GRID2IP: variants seen among roughly 807,000 people sequenced by gnomAD.
GRID2IP encodes the protein Grid2 interacting protein.
In GRID2IP, 78 loss-of-function variants were observed where a neutral mutation model predicts 114.3. The observed-to-expected ratio is 0.68, with a 90% confidence interval of 0.57 to 0.82. GRID2IP has a LOEUF of 0.82. Ranked by LOEUF, GRID2IP falls within the 40% of genes least tolerant of loss-of-function variation. GRID2IP has a pLI of 0.00. For synonymous variants in GRID2IP, 809 were observed against 724.0 expected (o/e 1.12, Z -1.89); for missense variants, 1,727 against 1,678.5 (o/e 1.03, Z -0.51).
In GRID2IP at chr7:6,521,720, G is replaced by A. The variant is rs1006583438; in HGVS notation, c.989+168C>T. On this transcript the variant is annotated intron_variant, in intron 5 of 21. Coordinates refer to ENST00000457091, the MANE Select transcript of GRID2IP (RefSeq NM_001145118.2). The surrounding 1 kb of genome is among the most constrained non-coding windows in gnomAD (Gnocchi z 4.1). ...GTCCTGGCTAGAGTTGGCGACTGGCGAGGAGGAGGGTTAGATTCAAGAGTT... is the reference window on the plus strand; with the variant it reads ...GTCCTGGCTAGAGTTGGCGACTGGCAAGGAGGAGGGTTAGATTCAAGAGTT... 1.3e-5 allele frequency among the ~76,000 whole-genome samples: 2 copies of A among 152,194 alleles called. No homozygotes were observed. Among genetic ancestry groups the A allele is most frequent in the African/African-American group, 2.4e-5 (1 of 41,440 alleles).
At chr7:6,511,718 G>T (rs1449459856) in intron 8 of GRID2IP, among the ~76,000 whole-genome samples, 1 of 152,044 alleles carries the variant, frequency 6.6e-6, no homozygotes, top group African/African-American at 2.4e-5. Context: ...AGGCATGTGT[G>T]GTCCAGCATG....
chr7:6,548,334 AGC>A (rs1259633316), intron 1 of GRID2IP, among the ~76,000 whole-genome samples: 1 of 152,032 alleles, frequency 6.6e-6, no homozygotes, highest in Non-Finnish European at 1.5e-5. Flanking sequence ...TGGGCAACAG[AGC>A]GAGACTCTGG....
At chr7:6,539,642 T>A in intron 2 of GRID2IP, 76 bp downstream of exon 2, 1 of 1,369,968 alleles carries the variant, frequency 7.3e-7, no homozygotes, top group Non-Finnish European at 9.8e-7. Flanking sequence ...AAGGGGTGCC[T>A]GGGGTGGTTG....
rs1164055360 is a variant in GRID2IP at position 6,551,086 on chromosome 7, C to T, written c.351G>A (p.Leu117=). The T allele has an allele frequency of 7.6e-7, 1 of 1,316,322 alleles. No individual in the cohort carries two copies. Among genetic ancestry groups the T allele is most frequent in the South Asian group, 2.1e-5 (1 of 47,578 alleles). The allele number at this position is 1,316,322 out of a possible 1,614,324, so 81.5% of individuals were successfully genotyped here. A position where few individuals can be genotyped will look rare whatever the true frequency, so the allele number is the denominator to read the frequency against. ...CGRGLALGRE[L]LRLAGRKRPD... is the part of the protein sequence containing the mutation. ...GGCGCTTGCGGCCGGCCAGGCGAAGCAGCTCACGGCCCAGAGCTAGGCCGC... is the reference window on the plus strand; with the variant it reads ...GGCGCTTGCGGCCGGCCAGGCGAAGTAGCTCACGGCCCAGAGCTAGGCCGC... The change falls in exon 1 of 22, where the codon CTG becomes CTA. Residue 117 remains leucine (L), a synonymous_variant. Coordinates refer to ENST00000457091, the MANE Select transcript of GRID2IP (RefSeq NM_001145118.2).
chr7:6,522,807 ATGTGTG>A (rs72277817), intron 4 of GRID2IP, among the ~76,000 whole-genome samples: 9 of 147,682 alleles, frequency 6.1e-5, no homozygotes, highest in East Asian at 6.0e-4. Flanking sequence ...CCTGGCTAAT[ATGTGTG>A]TGTGTGTGTG....
chr7:6,551,188 C>T lies in GRID2IP; in HGVS notation c.249G>A (p.Pro83=), dbSNP rs930534415. 132 of 1,397,468 alleles carry T rather than the reference C, an allele frequency of 9.4e-5. No individual in the cohort carries two copies. Among genetic ancestry groups the T allele is most frequent in the Non-Finnish European group, 1.1e-4 (123 of 1,085,466 alleles). 86.6% of individuals were successfully genotyped at this position (1,397,468 alleles called of 1,614,324 possible). A position where few individuals can be genotyped will look rare whatever the true frequency, so the allele number is the denominator to read the frequency against. ...PRVPPSLGVL[P]APDGGPGPGS... is the part of the protein sequence containing the mutation. ...CTGGGCCGGGGCCACCGTCGGGAGCCGGGAGCACGCCCAGACTGGGCGGCA... is the reference window on the plus strand; with the variant it reads ...CTGGGCCGGGGCCACCGTCGGGAGCTGGGAGCACGCCCAGACTGGGCGGCA... The change falls in exon 1 of 22, where the codon CCG becomes CCA. Residue 83 remains proline, a synonymous_variant. Coordinates refer to ENST00000457091, the MANE Select transcript of GRID2IP (RefSeq NM_001145118.2).
intron 8 of GRID2IP, among the ~76,000 whole-genome samples, chr7:6,511,775 G>A (rs1779171860): frequency 6.6e-6 from 1 of 152,180 alleles, no homozygotes; most frequent in Admixed American, 6.5e-5. Flanking sequence ...GGGTCCCTGG[G>A]ACTGCAGCTC....
At position 6,497,665 on chromosome 7, in the gene GRID2IP, G is replaced by C; in HGVS notation, c.*109C>G. 1.3e-6 allele frequency: 1 copy of C among 744,860 alleles called. No homozygotes were observed. Among genetic ancestry groups the C allele is most frequent in the African/African-American group, 1.8e-5 (1 of 55,924 alleles). 46.1% of individuals were successfully genotyped at this position (744,860 alleles called of 1,614,324 possible). A position where few individuals can be genotyped will look rare whatever the true frequency, so the allele number is the denominator to read the frequency against. On this transcript the variant is annotated 3_prime_UTR_variant, in exon 22 of 22. Transcript: ENST00000457091. The stretch of plus-strand genomic sequence containing the variant: ...GAGGTAGCTGCAGGAGAGGCTGGCG[G>C]TGTGCTCAGAGCCCGGGGCACAGTG...
chr7:6,508,951 T>C lies in GRID2IP; in HGVS notation c.2127+7A>G. On this transcript the variant is annotated splice_region_variant and intron_variant, in intron 12 of 21. Coordinates refer to ENST00000457091, the MANE Select transcript of GRID2IP (RefSeq NM_001145118.2). The surrounding 1 kb of genome is among the most constrained non-coding windows in gnomAD (Gnocchi z 5.6). ...CCGCCTCCCTCCACACCTGCTTGCG[T>C]GCCCACCTCCTCGTAGTCGTTCTCC... is the stretch of plus-strand genomic sequence containing the variant. The C allele has an allele frequency of 6.5e-7, 1 of 1,544,478 alleles. No homozygotes were observed. The highest frequency in any genetic ancestry group is 1.2e-5 in the South Asian group (1 of 83,788).
intron 15 of GRID2IP, among the ~76,000 whole-genome samples, chr7:6,504,546 A>G (rs1583333400): frequency 1.3e-5 from 2 of 151,366 alleles, no homozygotes; most frequent in African/African-American, 4.9e-5. Context: ...TGCGAAGGAG[A>G]GAGGGAATGA....
In GRID2IP at chr7:6,497,446, T is replaced by C. The variant is rs781520374; in HGVS notation, c.*328A>G. 1 of 246,662 alleles carries C rather than the reference T, an allele frequency of 4.1e-6. No individual in the cohort carries two copies. Among genetic ancestry groups the C allele is most frequent in the African/African-American group, 2.2e-5 (1 of 44,500 alleles). The allele number at this position is 246,662 out of a possible 1,614,324, so 15.3% of individuals were successfully genotyped here. On this transcript the variant is annotated 3_prime_UTR_variant, in exon 22 of 22. Coordinates refer to ENST00000457091, the MANE Select transcript of GRID2IP (RefSeq NM_001145118.2). ...AAAAGGTCCACATGTCCCAGGAATGTGGCCACTTTGTAATCCACCCTCCAG... is the reference window on the plus strand; with the variant it reads ...AAAAGGTCCACATGTCCCAGGAATGCGGCCACTTTGTAATCCACCCTCCAG...
rs1786619493 is a variant in GRID2IP, at chr7:6,507,217, C to T, written c.2544+768G>A. Among the ~76,000 whole-genome samples, 1 of 152,128 alleles carries T rather than the reference C, an allele frequency of 6.6e-6. No homozygotes were observed. Among genetic ancestry groups the T allele is most frequent in the Admixed American group, 6.5e-5 (1 of 15,268 alleles). On this transcript the variant is annotated intron_variant, in intron 13 of 21. Coordinates refer to ENST00000457091, the MANE Select transcript of GRID2IP (RefSeq NM_001145118.2). The surrounding 1 kb of genome is among the most constrained non-coding windows in gnomAD (Gnocchi z 5.3). ...CCTGGGAGCTGGAAGGAGCCCCTGC[C>T]ATATTAAAAGGAGTATGATGTCCCA...
chr7:6,550,719 C>G (rs1779960808), intron 1 of GRID2IP, among the ~76,000 whole-genome samples: 1 of 149,518 alleles, frequency 6.7e-6, no homozygotes, highest in Non-Finnish European at 1.5e-5. Context: ...ATCTCAATTA[C>G]TGGAAGACTG....
In GRID2IP at chr7:6,526,184, G is replaced by C. The variant is rs1382783760; in HGVS notation, c.919+40C>G. ...ACCACGGGGCCCTTCACCCCATCCT[G>C]GGCCTTAGGGACTCTTAGGGCAACC... On this transcript the variant is annotated intron_variant, in intron 4 of 21. Coordinates refer to ENST00000457091, the MANE Select transcript of GRID2IP (RefSeq NM_001145118.2). The surrounding 1 kb of genome is among the most constrained non-coding windows in gnomAD (Gnocchi z 7.6). 1 of 1,502,560 alleles carries C rather than the reference G, an allele frequency of 6.7e-7. No individual in the cohort carries two copies. The highest frequency in any genetic ancestry group is 2.5e-5 in the East Asian group (1 of 40,708). The allele number at this position is 1,502,560 out of a possible 1,614,324, so 93.1% of individuals were successfully genotyped here.
chr7:6,504,499 G>T (rs1786518043), intron 15 of GRID2IP, among the ~76,000 whole-genome samples: 1 of 151,150 alleles, frequency 6.6e-6, no homozygotes, highest in Admixed American at 6.6e-5. Flanking sequence ...AGCTGGGTGG[G>T]GTCTATGGGG....
Position 6,510,537 on chromosome 7 carries a change from T to G in GRID2IP, c.1653+72A>C. On this transcript the variant is annotated intron_variant, in intron 10 of 21. Transcript: ENST00000457091. ...CAGGGACGCCTTGGCCTGGGTCTCC[T>G]GGGCCCAGTCCTATGGACCGTCCAT... 12 of 1,346,258 alleles carry G rather than the reference T, an allele frequency of 8.9e-6. No individual in the cohort carries two copies. In the South Asian group the frequency reaches 1.5e-4, roughly 16 times the overall value. The allele number at this position is 1,346,258 out of a possible 1,614,324, so 83.4% of individuals were successfully genotyped here.
intron 2 of GRID2IP, chr7:6,530,942 T>C: frequency 2.0e-6 from 1 of 498,492 alleles, no homozygotes; most frequent in Admixed American, 4.2e-5. Context: ...GCTCGGAGGG[T>C]GCCCACCCAG....
In GRID2IP at chr7:6,509,135, G is replaced by A. The variant is rs898522604; in HGVS notation, c.1950C>T (p.Pro650=). The A allele has an allele frequency of 1.2e-5, 18 of 1,473,452 alleles. No individual in the cohort carries two copies. Among genetic ancestry groups the A allele is most frequent in the Non-Finnish European group, 1.5e-5 (17 of 1,112,088 alleles). 91.3% of individuals were successfully genotyped at this position (1,473,452 alleles called of 1,614,324 possible). A position where few individuals can be genotyped will look rare whatever the true frequency, so the allele number is the denominator to read the frequency against. ...TGGGGTCCGGGCTTGGGGGGCTGTC[G>A]GGGCAGATGGGCCCGGGGCCTGGCT... ...SPQPGPGPIC[P]DSPPSPDPTR... Residue 650 remains proline, a synonymous_variant, in exon 12 of 22, where the codon CCC becomes CCT. Coordinates refer to ENST00000457091, the MANE Select transcript of GRID2IP (RefSeq NM_001145118.2). The surrounding 1 kb of genome is among the most constrained non-coding windows in gnomAD (Gnocchi z 4.9).
chr7:6,504,832 C>A lies in GRID2IP; in HGVS notation c.2671G>T (p.Val891Leu). 6.4e-7 allele frequency: 1 copy of A among 1,551,444 alleles called. No homozygotes were observed. The highest frequency in any genetic ancestry group is 1.2e-5 in the South Asian group (1 of 84,064). ...PGPEPFRKKE[V>L]VEILSHKKAY... Reference sequence around the variant, plus strand: ...TTCTTATGGGACAGGATCTCCACCACCTCCTTCTTCCGGAAGGGCTCCGGC... The same window carrying A: ...TTCTTATGGGACAGGATCTCCACCAACTCCTTCTTCCGGAAGGGCTCCGGC... The change falls in exon 15 of 22, where the codon GTG becomes TTG. Residue 891 changes from valine (V) to leucine (L), a missense_variant. Transcript: ENST00000457091.
Sources: gnomAD v4.1 joint callset for allele counts (sites outside exome capture counted in the v4.1 genomes callset) on GRCh38, gnomAD v4.1.1 for gene constraint, Gnocchi (gnomAD v3.1) non-coding constraint, MANE v1.5 for transcripts, NCBI Gene and HGNC (gene_info 2026-07-23, HGNC 2026-07-21) for gene names.